Variants in ANKRD6 observed in about 807,000 individuals in gnomAD.
The protein encoded by ANKRD6 is ankyrin repeat domain 6.
A neutral mutation model predicts 82.3 loss-of-function variants in ANKRD6; 56 were observed. That is an observed-to-expected ratio of 0.68 (90% confidence interval 0.55 to 0.85). The LOEUF is 0.85. Ranked by LOEUF, ANKRD6 falls within the 40% of genes least tolerant of loss-of-function variation. ANKRD6 has a pLI of 0.00. For synonymous variants in ANKRD6, 347 were observed against 352.1 expected (o/e 0.99, Z 0.16); for missense variants, 852 against 907.6 (o/e 0.94, Z 0.79).
chr6:89,459,416 A>T (rs961430058), intron 1 of ANKRD6, among the ~76,000 whole-genome samples: 1 of 151,940 alleles, frequency 6.6e-6, no homozygotes, highest in Non-Finnish European at 1.5e-5. Context: ...TGTCCATAAA[A>T]CCAGCATAAC....
intron 1 of ANKRD6, among the ~76,000 whole-genome samples, chr6:89,519,590 T>G (rs979787291): frequency 6.6e-6 from 1 of 152,212 alleles, no homozygotes; most frequent in Non-Finnish European, 1.5e-5. Context: ...TTTGAAGACA[T>G]CCATGTGGAA....
chr6:89,610,984 T>C (rs928880422), intron 5 of ANKRD6, among the ~76,000 whole-genome samples: 27 of 151,890 alleles, frequency 1.8e-4, no homozygotes, highest in African/African-American at 6.1e-4. Flanking sequence ...AGGGCTGGTT[T>C]GAAAGCTTCC....
intron 1 of ANKRD6, among the ~76,000 whole-genome samples, chr6:89,526,913 T>C (rs1341366737): frequency 1.3e-5 from 2 of 152,196 alleles, no homozygotes; most frequent in Non-Finnish European, 2.9e-5. Flanking sequence ...CCTTGGCCTT[T>C]TTGTTTTATT....
chr6:89,600,031 C>G (rs533836038), intron 3 of ANKRD6, among the ~76,000 whole-genome samples: 65 of 152,272 alleles, frequency 4.3e-4, no homozygotes, highest in African/African-American at 1.5e-3. Context: ...TGTGCAGGAC[C>G]TTTGCCAGCA....
At chr6:89,532,948 A>G (rs1783363730) in intron 1 of ANKRD6, among the ~76,000 whole-genome samples, 1 of 150,082 alleles carries the variant, frequency 6.7e-6, no homozygotes, top group Non-Finnish European at 1.5e-5. Flanking sequence ...ATCTTGGCTC[A>G]CTGCAACCTC....
At chr6:89,510,717 A>G (rs760079497) in intron 1 of ANKRD6, among the ~76,000 whole-genome samples, 3 of 152,144 alleles carry the variant, frequency 2.0e-5, no homozygotes, top group Non-Finnish European at 4.4e-5. Flanking sequence ...GCCCTAGTCT[A>G]CAAGTGATAC....
At chr6:89,480,933 C>A (rs1444183255) in intron 1 of ANKRD6, among the ~76,000 whole-genome samples, 3 of 33,850 alleles carry the variant, frequency 8.9e-5, no homozygotes, top group African/African-American at 9.6e-5. Flanking sequence ...CAGAGTAAGA[C>A]CCTGTCTCAA....
At chr6:89,536,686 G>A (rs1171142315) in intron 1 of ANKRD6, among the ~76,000 whole-genome samples, 1 of 152,208 alleles carries the variant, frequency 6.6e-6, no homozygotes, top group East Asian at 1.9e-4. Flanking sequence ...TTGAGATGTT[G>A]GAAGAGCAAA....
intron 1 of ANKRD6, among the ~76,000 whole-genome samples, chr6:89,494,233 C>T (rs762397607): frequency 2.6e-5 from 4 of 152,180 alleles, no homozygotes; most frequent in Non-Finnish European, 4.4e-5. Flanking sequence ...TAAGAGGAGA[C>T]ATCAAGGGTT....
At chr6:89,527,601 CAAAAAAAAAAAAAA>C (rs35855223) in intron 1 of ANKRD6, among the ~76,000 whole-genome samples, 3 of 45,696 alleles carry the variant, frequency 6.6e-5, no homozygotes, top group African/African-American at 1.7e-4. Context: ...GACTCCGTCT[CAAAAAAAAAAAAAA>C]AAAAAAAAAA....
At chr6:89,504,396 C>T (rs1054138866) in intron 1 of ANKRD6, among the ~76,000 whole-genome samples, 5 of 137,526 alleles carry the variant, frequency 3.6e-5, no homozygotes, top group Non-Finnish European at 8.4e-5. Flanking sequence ...GTCTCTCTCT[C>T]GCTCTCGCTC....
At chr6:89,544,564 A>G (rs555817106) in intron 1 of ANKRD6, among the ~76,000 whole-genome samples, 3 of 152,190 alleles carry the variant, frequency 2.0e-5, no homozygotes, top group African/African-American at 4.8e-5. Flanking sequence ...AATACAAAAA[A>G]TTAGCTGGGC....
chr6:89,597,991 A>G, intron 3 of ANKRD6: 1 of 467,918 alleles, frequency 2.1e-6, no homozygotes, highest in Non-Finnish European at 2.8e-6. Flanking sequence ...CTAGGAGATC[A>G]GTTATTTGAA....
intron 13 of ANKRD6, among the ~76,000 whole-genome samples, chr6:89,627,309 G>A (rs559059812): frequency 6.6e-6 from 1 of 152,180 alleles, no homozygotes; most frequent in Non-Finnish European, 1.5e-5. Context: ...GGAGTATGGC[G>A]CACCACGCCT....
At chr6:89,452,772 C>T (rs1219812524) in intron 1 of ANKRD6, among the ~76,000 whole-genome samples, 2 of 152,054 alleles carry the variant, frequency 1.3e-5, no homozygotes, top group African/African-American at 2.4e-5. Flanking sequence ...ATGCCCTTTA[C>T]GAGAAGTCTG....
chr6:89,533,727 A>AATGT (rs1412068796), intron 1 of ANKRD6, among the ~76,000 whole-genome samples: 1 of 142,038 alleles, frequency 7.0e-6, no homozygotes, highest in African/African-American at 2.7e-5. Context: ...AGAGAAAATG[A>AATGT]GTGTGTGTGT....
intron 10 of ANKRD6, among the ~76,000 whole-genome samples, chr6:89,622,993 G>A (rs537292748): frequency 2.1e-3 from 286 of 133,092 alleles, no homozygotes; most frequent in Non-Finnish European, 3.5e-3. Flanking sequence ...TGCCATGAGT[G>A]TTGTGGGTTG....
chr6:89,463,921 TG>T (rs1774517750), intron 1 of ANKRD6, among the ~76,000 whole-genome samples: 1 of 152,202 alleles, frequency 6.6e-6, no homozygotes, highest in Non-Finnish European at 1.5e-5. Context: ...TCTTTCTCAT[TG>T]AAGGAGCTCA....
intron 1 of ANKRD6, among the ~76,000 whole-genome samples, chr6:89,494,645 A>C (rs1006821574): frequency 2.0e-5 from 3 of 152,142 alleles, no homozygotes; most frequent in Non-Finnish European, 4.4e-5. Flanking sequence ...CTAATTACAG[A>C]AGTGGCTTGA....
Sources: gnomAD v4.1 joint callset for allele counts (sites outside exome capture counted in the v4.1 genomes callset) on GRCh38, gnomAD v4.1.1 for gene constraint, MANE v1.5 for transcripts, NCBI Gene and HGNC (gene_info 2026-07-23, HGNC 2026-07-21) for gene names.